VTI1A: variants seen among roughly 807,000 people sequenced by gnomAD.
VTI1A encodes the protein vesicle transport through interaction with t-SNAREs homolog 1A.
Under a neutral mutation model 34.9 loss-of-function variants are expected in VTI1A, and 22 were observed. That is an observed-to-expected ratio of 0.63 (90% CI 0.45 to 0.90). The LOEUF is 0.90. Ranked by LOEUF, VTI1A falls within the 40% of genes least tolerant of loss-of-function variation. The probability of loss-of-function intolerance (pLI) is 0.00; values close to 1 mark genes in which losing one functional copy is unlikely to be tolerated. For missense variants in VTI1A, 268 were observed against 275.6 expected, an observed-to-expected ratio of 0.97 and a Z score of 0.20; for synonymous variants, 87 against 97.3, an observed-to-expected ratio of 0.89 and a Z score of 0.62.
At chr10:112,565,502 G>A (rs1851878065) in intron 5 of VTI1A, among the ~76,000 whole-genome samples, 1 of 152,098 alleles carries the variant, frequency 6.6e-6, no homozygotes, top group Admixed American at 6.5e-5. Flanking sequence ...AGCAGGGAAA[G>A]TCATGATGCA....
intron 2 of VTI1A, 40 bp from the exon 3 acceptor site, chr10:112,464,507 A>G: frequency 6.5e-7 from 1 of 1,530,562 alleles, no homozygotes; most frequent in Admixed American, 1.7e-5. Context: ...AATAAGAATA[A>G]CAGTGTGTTT....
chr10:112,635,088 C>G (rs7894830), intron 5 of VTI1A, among the ~76,000 whole-genome samples: 13 of 152,084 alleles, frequency 8.5e-5, no homozygotes, highest in Non-Finnish European at 1.2e-4. Flanking sequence ...CTGCAAAGTT[C>G]AGAAAGCTGG....
intron 5 of VTI1A, chr10:112,548,990 C>T (rs1293787826): frequency 9.7e-6 from 6 of 616,926 alleles, no homozygotes; most frequent in Middle Eastern, 4.3e-4. Flanking sequence ...TCCCTGCCCT[C>T]CTGCCTTCTC....
intron 4 of VTI1A, among the ~76,000 whole-genome samples, chr10:112,531,109 G>A (rs533689284): frequency 0.076 from 8,594 of 112,612 alleles, 861 homozygotes; most frequent in African/African-American, 0.23. Context: ...ACACACGTGC[G>A]CACGTGCGCG....
intron 7 of VTI1A, among the ~76,000 whole-genome samples, chr10:112,736,111 GTATATATA>G (rs372188173): frequency 2.3e-4 from 27 of 116,198 alleles, no homozygotes; most frequent in African/African-American, 9.0e-4. Context: ...ATGTGTGTGT[GTATATATA>G]TATATATATA....
At chr10:112,518,587 C>CTATATATA (rs1274288724) in intron 3 of VTI1A, among the ~76,000 whole-genome samples, 1 of 93,680 alleles carries the variant, frequency 1.1e-5, no homozygotes, top group Admixed American at 1.2e-4. Context: ...CTCTCTCTCT[C>CTATATATA]TCTATATATA....
chr10:112,637,218 TTTATG>T (rs1375826026), intron 5 of VTI1A, among the ~76,000 whole-genome samples: 12 of 152,214 alleles, frequency 7.9e-5, no homozygotes, highest in African/African-American at 1.4e-4. Context: ...ACAGTTTACT[TTTATG>T]ATGTTTATTC....
chr10:112,550,979 C>T (rs1460794368), intron 5 of VTI1A, among the ~76,000 whole-genome samples: 4 of 152,094 alleles, frequency 2.6e-5, no homozygotes, highest in African/African-American at 9.7e-5. Context: ...CGCGGTGGCT[C>T]ACGCCTGTAA....
chr10:112,487,899 A>T (rs1385888831), intron 3 of VTI1A, among the ~76,000 whole-genome samples: 1 of 152,228 alleles, frequency 6.6e-6, no homozygotes, highest in Non-Finnish European at 1.5e-5. Flanking sequence ...GTATATTGGT[A>T]GTAATTTGGT....
chr10:112,559,589 A>C (rs954068008), intron 5 of VTI1A, among the ~76,000 whole-genome samples: 1 of 152,058 alleles, frequency 6.6e-6, no homozygotes, highest in African/African-American at 2.4e-5. Context: ...CTCACCCTAC[A>C]TGCACCCCCC....
chr10:112,731,926 AT>A (rs1313547987), intron 7 of VTI1A, among the ~76,000 whole-genome samples: 1 of 152,190 alleles, frequency 6.6e-6, no homozygotes, highest in Non-Finnish European at 1.5e-5. Flanking sequence ...GGCATTAACT[AT>A]TTTTTAAAGC....
intron 7 of VTI1A, among the ~76,000 whole-genome samples, chr10:112,803,140 C>G (rs1355893012): frequency 2.0e-5 from 3 of 152,174 alleles, no homozygotes. Context: ...TCAATCTCGG[C>G]TCATTGCAAC....
intron 7 of VTI1A, among the ~76,000 whole-genome samples, chr10:112,736,109 G>GGATATATATATA (rs1850447723): frequency 8.6e-6 from 1 of 116,888 alleles, no homozygotes; most frequent in African/African-American, 4.0e-5. Flanking sequence ...ATATGTGTGT[G>GGATATATATATA]TGTATATATA....
intron 7 of VTI1A, among the ~76,000 whole-genome samples, chr10:112,686,993 T>C (rs1250931153): frequency 6.6e-6 from 1 of 152,090 alleles, no homozygotes; most frequent in Non-Finnish European, 1.5e-5. Context: ...AGCTGAGCTG[T>C]CTTCTCAGAT....
intron 5 of VTI1A, among the ~76,000 whole-genome samples, chr10:112,566,396 C>T (rs552736048): frequency 1.3e-5 from 2 of 152,048 alleles, no homozygotes; most frequent in African/African-American, 2.4e-5. Flanking sequence ...AACTTTTATA[C>T]GTTGGAAAAT....
the VTI1A span, among the ~76,000 whole-genome samples, chr10:112,848,462 G>A: frequency 1.3e-5 from 2 of 152,194 alleles, no homozygotes; most frequent in African/African-American, 4.8e-5. Flanking sequence ...AATGACCCTG[G>A]TCAGACCTTG....
chr10:112,600,916 A>G (rs570644611), intron 5 of VTI1A, among the ~76,000 whole-genome samples: 228 of 152,374 alleles, frequency 1.5e-3, no homozygotes, highest in Non-Finnish European at 2.7e-3. Context: ...GCTTTAAAAT[A>G]TGCAAATATG....
chr10:112,578,293 C>T (rs948701455), intron 5 of VTI1A, among the ~76,000 whole-genome samples: 1 of 152,078 alleles, frequency 6.6e-6, no homozygotes, highest in Non-Finnish European at 1.5e-5. Flanking sequence ...ACAGACGCAG[C>T]AATTTGGCTC....
intron 3 of VTI1A, among the ~76,000 whole-genome samples, chr10:112,498,757 T>G (rs1849118095): frequency 1.3e-5 from 2 of 152,202 alleles, no homozygotes; most frequent in South Asian, 2.1e-4. Context: ...TTTTTTTTGT[T>G]TGTTTGTTTA....
Sources: allele counts gnomAD v4.1 joint callset (sites outside exome capture counted in the v4.1 genomes callset), GRCh38; gene constraint gnomAD v4.1.1; transcripts MANE v1.5; gene names NCBI Gene and HGNC (gene_info 2026-07-23, HGNC 2026-07-21).